Variants in PANX3 observed in about 807,000 individuals in gnomAD.
PANX3 encodes pannexin-3.
PANX3 carries 18 observed loss-of-function variants against 31.5 expected under a neutral mutation model. The observed-to-expected ratio is 0.57, with a 90% confidence interval of 0.39 to 0.85. The LOEUF is 0.85. Among genes scored for constraint, PANX3 ranks in the 40% least tolerant of loss-of-function variants. The pLI, the probability that PANX3 is intolerant of heterozygous loss-of-function variation, is 0.00. For synonymous variants in PANX3, 194 were observed against 201.6 expected (o/e 0.96, Z 0.32); for missense variants, 426 against 485.4 (o/e 0.88, Z 1.15).
rs143316027 is a variant in PANX3, at chr11:124,615,169, G to T, written c.324+2047G>T. On this transcript the variant is annotated intron_variant, in intron 2 of 3. Transcript: ENST00000284288. ...GCAATCTTGGCTCACTGCAACCTCC[G>T]CCTTCTGGGTTCAAGTGATTATCCT... is the stretch of plus-strand genomic sequence containing the variant. Among the ~76,000 whole-genome samples, 678 of 151,898 alleles carry T rather than the reference G, an allele frequency of 4.5e-3. 7 individuals are homozygous for T. Among genetic ancestry groups the T allele is most frequent in the African/African-American group, 0.015 (629 of 41,384 alleles).
intron 1 of PANX3, 45 bp from the exon 2 acceptor site, chr11:124,612,935 C>T: frequency 1.2e-6 from 2 of 1,606,326 alleles, no homozygotes; most frequent in Non-Finnish European, 1.7e-6. Context: ...GTCCCCACTC[C>T]TCCACTCCAA....
At chr11:124,618,449 G>A (rs566704846) in intron 3 of PANX3, among the ~76,000 whole-genome samples, 8 of 152,062 alleles carry the variant, frequency 5.3e-5, no homozygotes, top group South Asian at 2.1e-4. Flanking sequence ...TTTTTATTCC[G>A]TATTTGCATG....
In PANX3 at chr11:124,616,331, T is replaced by C. The variant is rs1863152452; in HGVS notation, c.325-943T>C. On this transcript the variant is annotated intron_variant, in intron 2 of 3. Coordinates refer to ENST00000284288, the MANE Select transcript of PANX3 (RefSeq NM_052959.3). The surrounding 1 kb of genome is among the most constrained non-coding windows in gnomAD (Gnocchi z 4.8). ...CCTGTAGATCCAGTGCCCTGGGCAG[T>C]CTCCCTGTATGCATTTCTGCTTCTT... Among the ~76,000 whole-genome samples, 2 of 152,102 alleles carry C rather than the reference T, an allele frequency of 1.3e-5. No homozygotes were observed. Among genetic ancestry groups the C allele is most frequent in the African/African-American group, 4.8e-5 (2 of 41,404 alleles).
rs142617120 is a variant in PANX3, at chr11:124,617,337, T to C, written c.388T>C (p.Tyr130His). The C allele has an allele frequency of 2.9e-5, 47 of 1,612,470 alleles. No homozygotes were observed. In the African/African-American group the frequency reaches 4.4e-4, roughly 15 times the overall value. Residue 130 changes from tyrosine (Y) to histidine (H), a missense_variant, in exon 3 of 4, where the codon TAT becomes CAT. Transcript: ENST00000284288. The stretch of plus-strand genomic sequence containing the variant: ...GTACCTGCCGGTGCTGCTGTGGCAG[T>C]ATGCAGCTGTGCCAGCCCTCAGCTC... Reference protein sequence around the residue: ...LMYLPVLLWQYAAVPALSSDL... With the variant: ...LMYLPVLLWQHAAVPALSSDL...
intron 2 of PANX3, among the ~76,000 whole-genome samples, chr11:124,614,167 T>TAAAAAAA (rs71042444): frequency 5.4e-5 from 4 of 73,472 alleles, no homozygotes; most frequent in Admixed American, 1.8e-4. Context: ...ATCTAAATGG[T>TAAAAAAA]AAAAAAAAAA....
intron 2 of PANX3, among the ~76,000 whole-genome samples, chr11:124,613,638 C>G (rs780033199): frequency 1.6e-4 from 24 of 152,162 alleles, no homozygotes; most frequent in Non-Finnish European, 2.4e-4. Flanking sequence ...CAGGGAGTAA[C>G]CGTCAAGCCT....
In PANX3 at chr11:124,611,620, G is replaced by T; in HGVS notation, c.64G>T (p.Gly22Ter). 6.2e-7 allele frequency: 1 copy of T among 1,614,162 alleles called. No individual in the cohort carries two copies. Among genetic ancestry groups the T allele is most frequent in the Non-Finnish European group, 8.5e-7 (1 of 1,180,006 alleles). The change falls in exon 1 of 4, where the codon GGA becomes TGA. Residue 22 changes from glycine to a stop codon, truncating the protein, a stop_gained. Coordinates refer to ENST00000284288, the MANE Select transcript of PANX3 (RefSeq NM_052959.3). LOFTEE classifies it high-confidence loss of function. ...LSDALLPDRR[G>*]PRLKGLRLEL... ...AGATGCCCTGCTGCCTGACCGCAGGGGACCCCGCCTCAAAGGACTGCGTCT... is the reference window on the plus strand; with the variant it reads ...AGATGCCCTGCTGCCTGACCGCAGGTGACCCCGCCTCAAAGGACTGCGTCT...
chr11:124,611,640 G>A lies in PANX3; in HGVS notation c.84G>A (p.Leu28=). 6.2e-7 allele frequency: 1 copy of A among 1,614,184 alleles called. No individual in the cohort carries two copies. The highest frequency in any genetic ancestry group is 1.1e-5 in the South Asian group (1 of 91,086). The change falls in exon 1 of 4, where the codon CTG becomes CTA. Residue 28 remains leucine (L), a synonymous_variant. Coordinates refer to ENST00000284288, the MANE Select transcript of PANX3 (RefSeq NM_052959.3). ...GCAGGGGACCCCGCCTCAAAGGACT[G>A]CGTCTGGAACTGCCCCTGGACCGGA... is the stretch of plus-strand genomic sequence containing the variant. ...PDRRGPRLKG[L]RLELPLDRIV... is the part of the protein sequence containing the mutation.
chr11:124,612,843 C>T, intron 1 of PANX3, 137 bp from the exon 2 acceptor site: 1 of 1,073,602 alleles, frequency 9.3e-7, no homozygotes, highest in Non-Finnish European at 1.3e-6. Flanking sequence ...TGGCAGTGCT[C>T]AACCCAGAAG....
In PANX3 at chr11:124,611,507, C is replaced by A; in HGVS notation, c.-50C>A. 6.6e-7 allele frequency: 1 copy of A among 1,525,084 alleles called. No homozygotes were observed. Among genetic ancestry groups the A allele is most frequent in the Non-Finnish European group, 8.9e-7 (1 of 1,129,344 alleles). The allele number at this position is 1,525,084 out of a possible 1,614,324, so 94.5% of individuals were successfully genotyped here. ...TGAAGCTGCCGTCTCCTCATTCCAC[C>A]ATCCCAGGACCCCTGCTGCCACCTC... On this transcript the variant is annotated 5_prime_UTR_variant, in exon 1 of 4. Coordinates refer to ENST00000284288, the MANE Select transcript of PANX3 (RefSeq NM_052959.3).
At chr11:124,612,550 C>G (rs1466110175) in intron 1 of PANX3, among the ~76,000 whole-genome samples, 3 of 152,240 alleles carry the variant, frequency 2.0e-5, no homozygotes, top group Non-Finnish European at 4.4e-5. Context: ...CCTCCAAGTC[C>G]ACTTTCCTTT....
intron 1 of PANX3, 118 bp downstream of exon 1, chr11:124,611,855 T>G: frequency 8.8e-7 from 1 of 1,140,488 alleles, no homozygotes; most frequent in East Asian, 2.7e-5. Context: ...CGGGCTGGGC[T>G]GGATTATCCA....
In PANX3 at chr11:124,619,683, A is replaced by T. The variant is rs747403172; in HGVS notation, c.927A>T (p.Pro309=). 6.2e-7 allele frequency: 1 copy of T among 1,614,060 alleles called. No homozygotes were observed. Among genetic ancestry groups the T allele is most frequent in the Non-Finnish European group, 8.5e-7 (1 of 1,180,038 alleles). The change falls in exon 4 of 4, where the codon CCA becomes CCT. Residue 309 remains proline (P), a synonymous_variant. Coordinates refer to ENST00000284288, the MANE Select transcript of PANX3 (RefSeq NM_052959.3). ...KRLLSVYEML[P]AFDLLSRKML... Reference sequence around the variant, plus strand: ...TTTTATCTGTCTATGAGATGCTCCCAGCTTTTGATCTCCTCAGCAGAAAGA... The same window carrying T: ...TTTTATCTGTCTATGAGATGCTCCCTGCTTTTGATCTCCTCAGCAGAAAGA...
intron 2 of PANX3, among the ~76,000 whole-genome samples, chr11:124,614,167 TAAAAAA>T (rs71042444): frequency 0.029 from 2,154 of 73,520 alleles, 54 homozygotes; most frequent in African/African-American, 0.084. Flanking sequence ...ATCTAAATGG[TAAAAAA>T]AAAAAAAAAA....
Position 124,619,976 on chromosome 11 carries a change from C to A in PANX3, c.*41C>A, listed in dbSNP as rs1863198585. ...GCAAGAAAGCTTGTGGAAAGTCTCT[C>A]TCCTTCCTCATAAGACATGCACACT... On this transcript the variant is annotated 3_prime_UTR_variant, in exon 4 of 4. Coordinates refer to ENST00000284288, the MANE Select transcript of PANX3 (RefSeq NM_052959.3). 3 of 1,547,934 alleles carry A rather than the reference C, an allele frequency of 1.9e-6. No homozygotes were observed. The highest frequency in any genetic ancestry group is 2.6e-6 in the Non-Finnish European group (3 of 1,151,138).
In PANX3 at chr11:124,620,282, C is replaced by T. The variant is rs1003208082; in HGVS notation, c.*347C>T. 11 of 188,764 alleles carry T rather than the reference C, an allele frequency of 5.8e-5. No homozygotes were observed. The highest frequency in any genetic ancestry group is 1.7e-4 in the Admixed American group (3 of 17,238). The allele number at this position is 188,764 out of a possible 1,614,324, so 11.7% of individuals were successfully genotyped here. On this transcript the variant is annotated 3_prime_UTR_variant, in exon 4 of 4. Transcript: ENST00000284288. The stretch of plus-strand genomic sequence containing the variant: ...AGGCAATTCCATATCCTTTCTTGAA[C>T]GCACATTCAGCTTACCCCAGAGAGC...
chr11:124,619,452 G>A lies in PANX3; in HGVS notation c.696G>A (p.Leu232=). 1 of 1,614,078 alleles carries A rather than the reference G, an allele frequency of 6.2e-7. No individual in the cohort carries two copies. Among genetic ancestry groups the A allele is most frequent in the African/African-American group, 1.3e-5 (1 of 74,984 alleles). The change falls in exon 4 of 4, where the codon CTG becomes CTA. Residue 232 remains leucine, a synonymous_variant. Transcript: ENST00000284288. ...ATYLYLGHFH[L]DVFFQEEFSC... ...ACCTATACCTTGGTCATTTCCATCT[G>A]GATGTCTTCTTCCAGGAAGAATTCA...
rs753630095 is a variant in PANX3, at chr11:124,619,428, C to G, written c.672C>G (p.Tyr224Ter). Residue 224 changes from tyrosine (Y) to a stop codon, truncating the protein, a stop_gained, in exon 4 of 4, where the codon TAC becomes TAG. Coordinates refer to ENST00000284288, the MANE Select transcript of PANX3 (RefSeq NM_052959.3). LOFTEE classifies it high-confidence loss of function. ...SLLLIFTSAT[Y>*]LYLGHFHLDV... is the part of the protein sequence containing the mutation. ...TGCTCATCTTCACCTCCGCCACTTA[C>G]CTATACCTTGGTCATTTCCATCTGG... is the stretch of plus-strand genomic sequence containing the variant. 41 of 1,614,188 alleles carry G rather than the reference C, an allele frequency of 2.5e-5. No homozygotes were observed. Among genetic ancestry groups the G allele is most frequent in the Non-Finnish European group, 3.4e-5 (40 of 1,180,032 alleles).
At chr11:124,613,562 CT>C (rs1863119061) in intron 2 of PANX3, among the ~76,000 whole-genome samples, 1 of 152,016 alleles carries the variant, frequency 6.6e-6, no homozygotes, top group African/African-American at 2.4e-5. Flanking sequence ...GCTGCTCCCC[CT>C]GTCCCAGCAC....
Sources: gnomAD v4.1 joint callset for allele counts (sites outside exome capture counted in the v4.1 genomes callset) on GRCh38, gnomAD v4.1.1 for gene constraint, Gnocchi (gnomAD v3.1) non-coding constraint, MANE v1.5 for transcripts, NCBI Gene and HGNC (gene_info 2026-07-23, HGNC 2026-07-21) for gene names.